The following NTM variants were observed in gnomAD, a reference collection of about 807,000 sequenced individuals.
NTM encodes the protein neurotrimin.
Under a neutral mutation model 42.1 loss-of-function variants are expected in NTM, and 13 were observed. That is an observed-to-expected ratio of 0.31 (90% confidence interval 0.20 to 0.49). The LOEUF (loss-of-function observed/expected upper bound fraction) is 0.49. Among genes scored for constraint, NTM ranks in the 20% least tolerant of loss-of-function variants. The probability of loss-of-function intolerance (pLI) is 0.99; values close to 1 mark genes in which losing one functional copy is unlikely to be tolerated. For synonymous variants in NTM, 187 were observed against 179.2 expected (o/e 1.04, Z -0.35); for missense variants, 373 against 452.8 (o/e 0.82, Z 1.60).
At chr11:131,573,919 TG>T (rs1846773577) in intron 1 of NTM, among the ~76,000 whole-genome samples, 1 of 152,188 alleles carries the variant, frequency 6.6e-6, no homozygotes, top group Admixed American at 6.5e-5. Context: ...TTTCTTCTTT[TG>T]CTCACCAGAC....
chr11:131,969,002 A>G (rs1405651415), intron 2 of NTM, among the ~76,000 whole-genome samples: 2 of 152,236 alleles, frequency 1.3e-5, no homozygotes, highest in Non-Finnish European at 2.9e-5. Flanking sequence ...ACAGTTTATT[A>G]CAGAGCAAAT....
At chr11:132,240,121 G>A (rs1276440110) in intron 4 of NTM, among the ~76,000 whole-genome samples, 2 of 152,102 alleles carry the variant, frequency 1.3e-5, no homozygotes, top group Non-Finnish European at 2.9e-5. Context: ...CATCTGCTAG[G>A]TTCTGGTAAA....
intron 1 of NTM, among the ~76,000 whole-genome samples, chr11:131,804,819 G>A (rs934649042): frequency 6.6e-6 from 1 of 152,306 alleles, no homozygotes; most frequent in Non-Finnish European, 1.5e-5. Flanking sequence ...AGTCATGAAA[G>A]CTCTACCCTC....
intron 2 of NTM, among the ~76,000 whole-genome samples, chr11:132,009,075 G>T (rs2071487354): frequency 6.6e-6 from 1 of 152,200 alleles, no homozygotes; most frequent in African/African-American, 2.4e-5. Context: ...CCCGCTGACT[G>T]ATGGTCCAGC....
chr11:131,739,837 AG>A (rs1171292400), intron 1 of NTM, among the ~76,000 whole-genome samples: 1 of 152,212 alleles, frequency 6.6e-6, no homozygotes, highest in African/African-American at 2.4e-5. Flanking sequence ...AAATGCAGAC[AG>A]GTCTATAGCA....
Position 131,979,542 on chromosome 11 carries a change from A to G in NTM, c.167+67894A>G, listed in dbSNP as rs1162781712. ...TATGGAAATGCAATTAAAAGGAGTCACAGAGCCTTCTCAACTGCCTGGGCT... is the reference window on the plus strand; with the variant it reads ...TATGGAAATGCAATTAAAAGGAGTCGCAGAGCCTTCTCAACTGCCTGGGCT... On this transcript the variant is annotated intron_variant, in intron 2 of 8. Coordinates refer to ENST00000683400, the MANE Select transcript of NTM (RefSeq NM_001352005.2). Among the ~76,000 whole-genome samples, 4 of 152,214 alleles carry G rather than the reference A, an allele frequency of 2.6e-5. No homozygotes were observed. In the East Asian group the frequency reaches 7.7e-4, roughly 29 times the overall value.
intron 1 of NTM, among the ~76,000 whole-genome samples, chr11:131,758,234 T>A (rs1367324979): frequency 6.6e-6 from 1 of 152,108 alleles, no homozygotes; most frequent in Non-Finnish European, 1.5e-5. Flanking sequence ...TCTTTTTTGA[T>A]CCTTTAATAC....
chr11:131,608,316 AT>A (rs1227077775), intron 1 of NTM, among the ~76,000 whole-genome samples: 1 of 152,150 alleles, frequency 6.6e-6, no homozygotes, highest in Non-Finnish European at 1.5e-5. Context: ...TTTGGGTTAC[AT>A]TTTTGAATGA....
intron 1 of NTM, among the ~76,000 whole-genome samples, chr11:131,721,938 G>T (rs956640898): frequency 2.1e-5 from 3 of 141,958 alleles, no homozygotes; most frequent in African/African-American, 5.4e-5. Context: ...GGTGGAGATT[G>T]CAGTGAGCCG....
chr11:131,549,102 C>T (rs1458222255), intron 1 of NTM, among the ~76,000 whole-genome samples: 1 of 152,144 alleles, frequency 6.6e-6, no homozygotes, highest in Non-Finnish European at 1.5e-5. Context: ...TTTTTAGTTC[C>T]CCACAAGCGA....
chr11:132,007,145 C>T lies in NTM; in HGVS notation c.167+95497C>T, dbSNP rs563520048. Among the ~76,000 whole-genome samples the T allele has an allele frequency of 2.6e-5, 4 of 152,334 alleles. No homozygotes were observed. In the South Asian group the frequency reaches 8.3e-4, roughly 32 times the overall value. On this transcript the variant is annotated intron_variant, in intron 2 of 8. Transcript: ENST00000683400. ...ATGTCTACTGTGAATGAGAAATAGT[C>T]ACTGAGACTTTCATGTTGTTGACGA...
intron 4 of NTM, among the ~76,000 whole-genome samples, chr11:132,228,622 G>A (rs1483893088): frequency 7.2e-5 from 11 of 152,204 alleles, no homozygotes; most frequent in Admixed American, 4.6e-4. Flanking sequence ...AGAACTCATG[G>A]CTCTTGAGAA....
Position 132,237,519 on chromosome 11 carries a change from C to T in NTM, c.526+25372C>T, listed in dbSNP as rs571494322. On this transcript the variant is annotated intron_variant, in intron 4 of 8. Transcript: ENST00000683400. ...CCAAATGGCGGAAAGTGAAAGAAGC[C>T]GGTCCCGTGAAGAGGTCTACGTTTT... Among the ~76,000 whole-genome samples, 7 of 152,292 alleles carry T rather than the reference C, an allele frequency of 4.6e-5. No homozygotes were observed. In the South Asian group the frequency reaches 8.3e-4, roughly 18 times the overall value.
At chr11:132,169,320 C>CTGTTTTTTTTTTTTTTTTTTTTT (rs2075775223) in intron 3 of NTM, among the ~76,000 whole-genome samples, 1 of 32,360 alleles carries the variant, frequency 3.1e-5, no homozygotes, top group African/African-American at 1.2e-4. Context: ...AATTTTTTTA[C>CTGTTTTTTTTTTTTTTTTTTTTT]TTTTTTTTTT....
intron 1 of NTM, among the ~76,000 whole-genome samples, chr11:131,827,727 G>A (rs1211860126): frequency 6.6e-6 from 1 of 152,168 alleles, no homozygotes; most frequent in Admixed American, 6.5e-5. Context: ...TAGTTATCTT[G>A]AAGTTCAAGT....
chr11:131,409,484 G>A (rs1277947499), intron 1 of NTM, among the ~76,000 whole-genome samples: 8 of 152,130 alleles, frequency 5.3e-5, no homozygotes, highest in Non-Finnish European at 8.8e-5. Context: ...CTCTGCCCCC[G>A]GGCAAGGACT....
chr11:132,299,252 G>A (rs60735694), intron 4 of NTM, among the ~76,000 whole-genome samples: 2,166 of 152,230 alleles, frequency 0.014, 60 homozygotes, highest in African/African-American at 0.049. Flanking sequence ...CTGAGATTGC[G>A]CCACTGCACT....
At chr11:131,604,604 A>C (rs901844448) in intron 1 of NTM, among the ~76,000 whole-genome samples, 6 of 151,344 alleles carry the variant, frequency 4.0e-5, no homozygotes, top group Admixed American at 2.0e-4. Flanking sequence ...TTCATAGCAC[A>C]AGGTTGCAAA....
chr11:131,832,176 G>A lies in NTM; in HGVS notation c.83-79388G>A, dbSNP rs562069658. Among the ~76,000 whole-genome samples the A allele has an allele frequency of 5.5e-4, 67 of 121,568 alleles. 2 individuals are homozygous for A. Among genetic ancestry groups the A allele is most frequent in the African/African-American group, 2.0e-3 (66 of 32,500 alleles). 79.8% of individuals were successfully genotyped at this position (121,568 alleles called of 152,430 possible). A position where few individuals can be genotyped will look rare whatever the true frequency, so the allele number is the denominator to read the frequency against. On this transcript the variant is annotated intron_variant, in intron 1 of 8. Coordinates refer to ENST00000683400, the MANE Select transcript of NTM (RefSeq NM_001352005.2). The stretch of plus-strand genomic sequence containing the variant: ...AGCATAAACACTTGGGTCAAACTCC[G>A]GGTGTTAGAAGAGAAAAAAAAAAAA...
Sources: gnomAD v4.1 joint callset for allele counts (sites outside exome capture counted in the v4.1 genomes callset) on GRCh38, gnomAD v4.1.1 for gene constraint, MANE v1.5 for transcripts, NCBI Gene and HGNC (gene_info 2026-07-23, HGNC 2026-07-21) for gene names.